SPTBN1: variants seen among roughly 807,000 people sequenced by gnomAD.
The protein encoded by SPTBN1 is spectrin beta, non-erythrocytic 1.
Under a neutral mutation model 266.4 loss-of-function variants are expected in SPTBN1, and 32 were observed. That is an observed-to-expected ratio of 0.12 (90% CI 0.09 to 0.16). The LOEUF (loss-of-function observed/expected upper bound fraction) is 0.16. SPTBN1 is among the 10% of genes least tolerant of loss of function. The probability of loss-of-function intolerance (pLI) is 1.00; values close to 1 mark genes in which losing one functional copy is unlikely to be tolerated. For synonymous variants in SPTBN1, 1,336 were observed against 1,162.2 expected (o/e 1.15, Z -3.04); for missense variants, 2,296 against 3,067.1 (o/e 0.75, Z 5.94).
At chr2:54,471,063 C>T (rs1483224926) in intron 1 of SPTBN1, among the ~76,000 whole-genome samples, 1 of 152,168 alleles carries the variant, frequency 6.6e-6, no homozygotes, top group Non-Finnish European at 1.5e-5. Flanking sequence ...GACACCCCTG[C>T]TTTAGAATGT....
Position 54,626,157 on chromosome 2 carries a change from C to T in SPTBN1, c.1567C>T (p.Arg523Trp), listed in dbSNP as rs368076199. The T allele has an allele frequency of 1.5e-5, 25 of 1,614,116 alleles. No individual in the cohort carries two copies. The highest frequency in any genetic ancestry group is 2.2e-5 in the East Asian group (1 of 44,874). Residue 523 changes from arginine to tryptophan, a missense_variant, in exon 12 of 36, where the codon CGG becomes TGG. By Grantham distance (101) the Arg-to-Trp change is moderately radical. Transcript: ENST00000356805. The surrounding 1 kb of genome is among the most constrained non-coding windows in gnomAD (Gnocchi z 4.7). The part of the protein sequence containing the change: ...LLELLRARRQ[R>W]LEMNLGLQKI... ...GGAACTGCTCAGGGCCCGGAGACAG[C>T]GGCTCGAGATGAACCTGGGGCTGCA... is the stretch of plus-strand genomic sequence containing the variant.
intron 2 of SPTBN1, among the ~76,000 whole-genome samples, chr2:54,586,058 G>C (rs1329010885): frequency 6.6e-6 from 1 of 152,144 alleles, no homozygotes; most frequent in South Asian, 2.1e-4. Flanking sequence ...TCTAAATCAG[G>C]GAGGGGCTTG....
chr2:54,558,680 G>C lies in SPTBN1; in HGVS notation c.148+32114G>C. 6.5e-7 allele frequency: 1 copy of C among 1,535,222 alleles called. No homozygotes were observed. ...GACCGGAATGGGGCTCGCCTAAGGA[G>C]CCGAGCGCTGCGGAGGCTGCTGCGT... is the stretch of plus-strand genomic sequence containing the variant. On this transcript the variant is annotated intron_variant, in intron 2 of 35. Transcript: ENST00000356805. The surrounding 1 kb of genome is among the most constrained non-coding windows in gnomAD (Gnocchi z 4.6).
chr2:54,469,199 A>G (rs563812637), intron 1 of SPTBN1, among the ~76,000 whole-genome samples: 6 of 152,330 alleles, frequency 3.9e-5, no homozygotes, highest in Admixed American at 1.3e-4. Flanking sequence ...TTTCTGAGGA[A>G]GGTGCCAAAA....
intron 2 of SPTBN1, among the ~76,000 whole-genome samples, chr2:54,559,415 G>A (rs900568672): frequency 6.6e-6 from 1 of 152,166 alleles, no homozygotes; most frequent in Non-Finnish European, 1.5e-5. Context: ...GTTGGGAAGA[G>A]CCTTCCCATC....
In SPTBN1 at chr2:54,540,129, C is replaced by G. The variant is rs1465562106; in HGVS notation, c.148+13563C>G. The stretch of plus-strand genomic sequence containing the variant: ...ACCATGCTGGCACCCTGACTTCCAG[C>G]CTCCAGAACTGTGAGAGAGAAATGG... On this transcript the variant is annotated intron_variant, in intron 2 of 35. Coordinates refer to ENST00000356805, the MANE Select transcript of SPTBN1 (RefSeq NM_003128.3). The surrounding 1 kb of genome is among the most constrained non-coding windows in gnomAD (Gnocchi z 5.6). Among the ~76,000 whole-genome samples the G allele has an allele frequency of 6.6e-6, 1 of 152,150 alleles. No homozygotes were observed. Among genetic ancestry groups the G allele is most frequent in the African/African-American group, 2.4e-5 (1 of 41,428 alleles).
chr2:54,643,567 A>G (rs909757226), intron 19 of SPTBN1, among the ~76,000 whole-genome samples: 3 of 152,210 alleles, frequency 2.0e-5, no homozygotes, highest in African/African-American at 7.2e-5. Flanking sequence ...AATTACTATG[A>G]TGTGTTATTC....
intron 32 of SPTBN1, chr2:54,662,192 A>G (rs1681094737): frequency 2.0e-6 from 2 of 985,416 alleles, no homozygotes; most frequent in Non-Finnish European, 2.4e-6. Context: ...ATGTGTTCAC[A>G]TGTACCCATC....
intron 2 of SPTBN1, among the ~76,000 whole-genome samples, chr2:54,569,890 C>A (rs1673936262): frequency 6.6e-6 from 1 of 152,152 alleles, no homozygotes; most frequent in Non-Finnish European, 1.5e-5. Context: ...CCCCCACCCC[C>A]AAACCTGTTC....
rs748111896 is a variant in SPTBN1 at position 54,526,520 on chromosome 2, C to T, written c.102C>T (p.Asn34=). 6.2e-7 allele frequency: 1 copy of T among 1,614,168 alleles called. No homozygotes were observed. The part of the protein sequence containing the change: ...RWDVDDWDNE[N]SSARLFERSR... Reference sequence around the variant, plus strand: ...ATGTCGACGACTGGGACAATGAGAACAGCTCTGCGCGGCTTTTTGAGCGGT... The same window carrying T: ...ATGTCGACGACTGGGACAATGAGAATAGCTCTGCGCGGCTTTTTGAGCGGT... Residue 34 remains asparagine, a synonymous_variant, in exon 2 of 36, where the codon AAC becomes AAT. Coordinates refer to ENST00000356805, the MANE Select transcript of SPTBN1 (RefSeq NM_003128.3).
intron 18 of SPTBN1, among the ~76,000 whole-genome samples, chr2:54,639,011 T>A (rs1036998299): frequency 6.6e-6 from 1 of 152,202 alleles, no homozygotes; most frequent in African/African-American, 2.4e-5. Context: ...GCCCCTAAAC[T>A]ATGAAGCTTA....
At chr2:54,509,762 A>G (rs1220440547) in intron 1 of SPTBN1, among the ~76,000 whole-genome samples, 1 of 152,152 alleles carries the variant, frequency 6.6e-6, no homozygotes, top group Non-Finnish European at 1.5e-5. Context: ...TGGATTAAAC[A>G]ACAGAAATTT....
rs948720090 is a variant in SPTBN1 at position 54,558,029 on chromosome 2, C to T, written c.148+31463C>T. ...CGGGCCCGGGACCCTTGGGGCTCTT[C>T]ACTCTCCAGGCCGTCCCGTGGGCGC... On this transcript the variant is annotated intron_variant, in intron 2 of 35. Transcript: ENST00000356805. This position sits in a 1 kb window ranked among gnomAD's most constrained non-coding sequence, Gnocchi z 4.6. The T allele has an allele frequency of 3.6e-5, 35 of 985,250 alleles. No homozygotes were observed. The highest frequency in any genetic ancestry group is 4.2e-5 in the Non-Finnish European group (35 of 829,926). The allele number at this position is 985,250 out of a possible 1,614,324, so 61.0% of individuals were successfully genotyped here.
chr2:54,499,909 G>C (rs1020356985), intron 1 of SPTBN1, among the ~76,000 whole-genome samples: 1 of 152,228 alleles, frequency 6.6e-6, no homozygotes, highest in Non-Finnish European at 1.5e-5. Flanking sequence ...AAGCATTGCA[G>C]CTGTTATGCT....
intron 2 of SPTBN1, chr2:54,527,891 C>G (rs1207976248): frequency 1.4e-4 from 22 of 152,206 alleles, no homozygotes; most frequent in Admixed American, 1.4e-3. Context: ...AAAGTTTGGT[C>G]AGTCTCAACC....
chr2:54,475,350 C>A (rs183041273), intron 1 of SPTBN1, among the ~76,000 whole-genome samples: 1 of 152,200 alleles, frequency 6.6e-6, no homozygotes, highest in Admixed American at 6.5e-5. Flanking sequence ...CACATTCTTA[C>A]AGAAGCTAAT....
At chr2:54,595,682 T>C (rs1180435004) in intron 2 of SPTBN1, among the ~76,000 whole-genome samples, 1 of 152,144 alleles carries the variant, frequency 6.6e-6, no homozygotes, top group Non-Finnish European at 1.5e-5. Flanking sequence ...TCAAAGAGAA[T>C]GATGAAAGAA....
rs890018270 is a variant in SPTBN1 at position 54,628,928 on chromosome 2, A to T, written c.1799-5A>T. ...CAGCCACGTTCCTTCCTTGATGTTA[A>T]ACAGGTTACAAGCCCTGTGACCCCC... On this transcript the variant is annotated splice_region_variant and splice_polypyrimidine_tract_variant and intron_variant, in intron 13 of 35. Coordinates refer to ENST00000356805, the MANE Select transcript of SPTBN1 (RefSeq NM_003128.3). The surrounding 1 kb of genome is among the most constrained non-coding windows in gnomAD (Gnocchi z 4.3). The T allele has an allele frequency of 3.8e-6, 6 of 1,578,636 alleles. No homozygotes were observed. The Admixed American group carries it at 5.4e-5, about 14-fold the overall frequency.
At chr2:54,576,892 G>A (rs1674523154) in intron 2 of SPTBN1, among the ~76,000 whole-genome samples, 1 of 152,146 alleles carries the variant, frequency 6.6e-6, no homozygotes, top group African/African-American at 2.4e-5. Flanking sequence ...GGGATGTGGG[G>A]GAAGCATTTT....
Sources: allele counts gnomAD v4.1 joint callset (sites outside exome capture counted in the v4.1 genomes callset), GRCh38; gene constraint gnomAD v4.1.1; non-coding constraint Gnocchi (gnomAD v3.1); transcripts MANE v1.5; gene names NCBI Gene and HGNC (gene_info 2026-07-23, HGNC 2026-07-21).